Variants in PTPRD observed in about 807,000 individuals in gnomAD.
PTPRD encodes protein tyrosine phosphatase receptor type D, also known as receptor-type tyrosine-protein phosphatase delta.
A neutral mutation model predicts 214.5 loss-of-function variants in PTPRD; 34 were observed. That is an observed-to-expected ratio of 0.16 (90% CI 0.12 to 0.21). The LOEUF (loss-of-function observed/expected upper bound fraction) is 0.21. Ranked by LOEUF, PTPRD falls within the 10% of genes least tolerant of loss-of-function variation. The pLI is 1.00. For missense variants in PTPRD, 2,545 were observed against 2,398.7 expected (o/e 1.06, Z -1.27); for synonymous variants, 1,128 against 845.7 (o/e 1.33, Z -5.79).
intron 8 of PTPRD, among the ~76,000 whole-genome samples, chr9:9,467,653 A>C (rs563312720): frequency 6.8e-6 from 1 of 146,568 alleles, no homozygotes; most frequent in East Asian, 2.1e-4. Context: ...CATAAATAGC[A>C]TGTTTACTAT....
intron 3 of PTPRD, among the ~76,000 whole-genome samples, chr9:10,322,100 A>T (rs1179009722): frequency 1.3e-5 from 2 of 152,174 alleles, no homozygotes; most frequent in East Asian, 3.9e-4. Flanking sequence ...GGGTTATTAC[A>T]TTAGTGTTTC....
At chr9:10,430,759 A>G (rs935400065) in intron 2 of PTPRD, among the ~76,000 whole-genome samples, 4 of 151,924 alleles carry the variant, frequency 2.6e-5, no homozygotes, top group Non-Finnish European at 2.9e-5. Context: ...AAAGATTGTT[A>G]TGTTTTAGTC....
At chr9:9,779,269 AAATACAC>A (rs2098824589) in intron 5 of PTPRD, among the ~76,000 whole-genome samples, 1 of 152,004 alleles carries the variant, frequency 6.6e-6, no homozygotes, top group South Asian at 2.1e-4. Flanking sequence ...AAAACCTAGA[AAATACAC>A]TTCCAGACAT....
At chr9:9,400,040 A>G (rs1406780683) in intron 8 of PTPRD, among the ~76,000 whole-genome samples, 1 of 149,304 alleles carries the variant, frequency 6.7e-6, no homozygotes, top group East Asian at 2.0e-4. Context: ...TATCATCTAT[A>G]TTATTTTGAC....
intron 9 of PTPRD, among the ~76,000 whole-genome samples, chr9:9,355,585 G>A (rs971466766): frequency 1.3e-5 from 2 of 151,468 alleles, no homozygotes; most frequent in African/African-American, 4.8e-5. Context: ...TTTTGGACAA[G>A]TTTCATTTTA....
intron 11 of PTPRD, among the ~76,000 whole-genome samples, chr9:8,855,038 T>C (rs565948944): frequency 6.6e-6 from 1 of 152,166 alleles, no homozygotes; most frequent in Non-Finnish European, 1.5e-5. Context: ...ATTCTTGAAA[T>C]AGTCTTCAAT....
intron 2 of PTPRD, among the ~76,000 whole-genome samples, chr9:10,449,588 G>A (rs1566112398): frequency 6.6e-6 from 1 of 151,516 alleles, no homozygotes; most frequent in African/African-American, 2.4e-5. Flanking sequence ...CCGTCTAAGT[G>A]AGGAGGGTCT....
In PTPRD at chr9:9,931,569, G is replaced by A. The variant is rs537075445; in HGVS notation, c.-368+6938C>T. Among the ~76,000 whole-genome samples the A allele has an allele frequency of 1.1e-3, 169 of 152,256 alleles. 1 individual carries two copies. Among genetic ancestry groups the A allele is most frequent in the African/African-American group, 3.9e-3 (162 of 41,568 alleles). On this transcript the variant is annotated intron_variant, in intron 5 of 45. Transcript: ENST00000381196. ...GATTATATCCCGCACGTGGCTCGGAGGGTCCTATGCCCACGGAGTCTCGCT... is the reference window on the plus strand; with the variant it reads ...GATTATATCCCGCACGTGGCTCGGAAGGTCCTATGCCCACGGAGTCTCGCT...
At chr9:8,472,571 C>G (rs2096674771) in intron 30 of PTPRD, among the ~76,000 whole-genome samples, 1 of 152,160 alleles carries the variant, frequency 6.6e-6, no homozygotes, top group South Asian at 2.1e-4. Context: ...ATGTCACTAG[C>G]CCAAACTGGG....
intron 20 of PTPRD, 115 bp from the exon 21 acceptor site, chr9:8,518,544 A>C (rs1463655227): frequency 1.3e-6 from 1 of 752,476 alleles, no homozygotes; most frequent in Non-Finnish European, 2.0e-6. Flanking sequence ...AGATTTAATT[A>C]AATGAAATTA....
intron 2 of PTPRD, 133 bp from the exon 3 acceptor site, chr9:10,341,150 A>G (rs1237023598): frequency 6.6e-6 from 1 of 151,944 alleles, no homozygotes; most frequent in Admixed American, 6.6e-5. Context: ...GTTGTTCTGA[A>G]TAATACAAGG....
At chr9:10,594,023 C>T (rs2076092875) in intron 2 of PTPRD, among the ~76,000 whole-genome samples, 1 of 151,872 alleles carries the variant, frequency 6.6e-6, no homozygotes, top group Admixed American at 6.6e-5. Flanking sequence ...TGAAATTTTT[C>T]CCTTTCTCGC....
rs79265670 is a variant in PTPRD, at chr9:9,760,651, C to T, written c.-326+6159G>A. On this transcript the variant is annotated intron_variant, in intron 6 of 45. Transcript: ENST00000381196. The stretch of plus-strand genomic sequence containing the variant: ...ACACACACACACACACACACACACA[C>T]ACATATATATATATATTCCAGCACT... Among the ~76,000 whole-genome samples, 341 of 71,488 alleles carry T rather than the reference C, an allele frequency of 4.8e-3. 1 individual carries two copies. The highest frequency in any genetic ancestry group is 0.017 in the African/African-American group (328 of 19,100). 46.9% of individuals were successfully genotyped at this position (71,488 alleles called of 152,430 possible). A position where few individuals can be genotyped will look rare whatever the true frequency, so the allele number is the denominator to read the frequency against.
intron 10 of PTPRD, among the ~76,000 whole-genome samples, chr9:9,083,914 A>G (rs915310052): frequency 1.3e-5 from 2 of 152,186 alleles, no homozygotes; most frequent in African/African-American, 4.8e-5. Context: ...CAGATGCTAG[A>G]GAGGATGTGG....
Position 8,501,113 on chromosome 9 carries a change from G to GA in PTPRD, c.1823-55dup, listed in dbSNP as rs576806967. The stretch of plus-strand genomic sequence containing the variant: ...TTTAAGTGAAAGGACAGGAGTGGTT[G>GA]AAAAAAAAAATGATAAAACAAAAGA... On this transcript the variant is annotated intron_variant, in intron 23 of 45. Transcript: ENST00000381196. 9,949 of 1,135,352 alleles carry GA rather than the reference G, an allele frequency of 8.8e-3. 2 individuals are homozygous for GA. The highest frequency in any genetic ancestry group is 0.015 in the South Asian group (787 of 50,914). 70.3% of individuals were successfully genotyped at this position (1,135,352 alleles called of 1,614,324 possible).
At chr9:8,389,727 A>G (rs2088749085) in intron 36 of PTPRD, among the ~76,000 whole-genome samples, 1 of 152,202 alleles carries the variant, frequency 6.6e-6, no homozygotes. Context: ...CCAAAGAACA[A>G]TAAACAATCT....
chr9:10,363,618 T>G (rs560255133), intron 2 of PTPRD, among the ~76,000 whole-genome samples: 2 of 152,310 alleles, frequency 1.3e-5, no homozygotes, highest in African/African-American at 4.8e-5. Context: ...TATTTAACCA[T>G]TTGAAAAGGC....
At chr9:9,243,817 G>T (rs750344690) in intron 9 of PTPRD, among the ~76,000 whole-genome samples, 1 of 152,116 alleles carries the variant, frequency 6.6e-6, no homozygotes, top group Non-Finnish European at 1.5e-5. Context: ...ATGAAGTAAA[G>T]GGTATTCAAT....
intron 11 of PTPRD, among the ~76,000 whole-genome samples, chr9:9,000,138 ATAGAT>A (rs2099412221): frequency 6.6e-6 from 1 of 152,068 alleles, no homozygotes; most frequent in Non-Finnish European, 1.5e-5. Flanking sequence ...AGTTGAAAGT[ATAGAT>A]AATTTCATTG....
Sources: allele counts gnomAD v4.1 joint callset (sites outside exome capture counted in the v4.1 genomes callset), GRCh38; gene constraint gnomAD v4.1.1; transcripts MANE v1.5; gene names NCBI Gene and HGNC (gene_info 2026-07-23, HGNC 2026-07-21).